The following RAB38 variants were observed in gnomAD, a reference collection of about 807,000 sequenced individuals.
RAB38 encodes the protein ras-related protein Rab-38.
In RAB38, 15 loss-of-function variants were observed where a neutral mutation model predicts 18.4. The observed-to-expected ratio is 0.82, with a 90% CI of 0.55 to 1.26. The LOEUF (loss-of-function observed/expected upper bound fraction) is 1.26. Among genes scored for constraint, RAB38 ranks in the 50% most tolerant of loss-of-function variants. The pLI, the probability that RAB38 is intolerant of heterozygous loss-of-function variation, is 0.00. For synonymous variants in RAB38, 101 were observed against 104.4 expected (o/e 0.97, Z 0.20); for missense variants, 294 against 267.4 (o/e 1.10, Z -0.69).
At chr11:88,102,884 T>C in the RAB38 span, among the ~76,000 whole-genome samples, 1 of 152,040 alleles carries the variant, frequency 6.6e-6, no homozygotes, top group Non-Finnish European at 1.5e-5. Context: ...CTAATAAATA[T>C]TACATTGTTA....
At chr11:88,076,818 G>C in the RAB38 span, among the ~76,000 whole-genome samples, 1 of 150,316 alleles carries the variant, frequency 6.7e-6, no homozygotes, top group Admixed American at 6.6e-5. Context: ...ATTTAGCCGG[G>C]AGTGGTTGTG....
chr11:88,150,986 T>C (rs35532229), intron 1 of RAB38, among the ~76,000 whole-genome samples: 15 of 152,284 alleles, frequency 9.9e-5, no homozygotes, highest in South Asian at 2.1e-4. Flanking sequence ...CTACAACCTA[T>C]TGGATAAGAA....
chr11:88,055,734 A>G, the RAB38 span, among the ~76,000 whole-genome samples: 1 of 152,232 alleles, frequency 6.6e-6, no homozygotes. Context: ...AGTAAAAACC[A>G]TGCAGCTACC....
At chr11:88,044,244 C>T in the RAB38 span, among the ~76,000 whole-genome samples, 4 of 152,194 alleles carry the variant, frequency 2.6e-5, no homozygotes, top group African/African-American at 2.4e-5. Flanking sequence ...TGCCTTGGTC[C>T]TTCACCCTTA....
chr11:88,044,766 G>A, the RAB38 span, among the ~76,000 whole-genome samples: 1 of 151,916 alleles, frequency 6.6e-6, no homozygotes, highest in Non-Finnish European at 1.5e-5. Context: ...CCCAAGTGTG[G>A]CTGAGTCTTT....
chr11:88,088,422 T>C, the RAB38 span, among the ~76,000 whole-genome samples: 2 of 151,852 alleles, frequency 1.3e-5, no homozygotes, highest in African/African-American at 2.4e-5. Context: ...GCAGTAGGGG[T>C]ACTTAACAAT....
the RAB38 span, among the ~76,000 whole-genome samples, chr11:87,934,932 T>C: frequency 6.6e-6 from 1 of 151,874 alleles, no homozygotes; most frequent in South Asian, 2.1e-4. Context: ...TTTGGAGATA[T>C]TGGAATGTAG....
At chr11:87,948,023 A>C in the RAB38 span, among the ~76,000 whole-genome samples, 1 of 152,206 alleles carries the variant, frequency 6.6e-6, no homozygotes, top group Admixed American at 6.5e-5. Flanking sequence ...CTTTGTACCC[A>C]TGAGCATGGA....
the RAB38 span, among the ~76,000 whole-genome samples, chr11:87,950,019 G>C: frequency 6.6e-6 from 1 of 152,172 alleles, no homozygotes; most frequent in East Asian, 1.9e-4. Context: ...TAATGTGTGG[G>C]AGTCTAAGTT....
chr11:87,914,066 A>T, the RAB38 span, among the ~76,000 whole-genome samples: 1 of 152,094 alleles, frequency 6.6e-6, no homozygotes, highest in African/African-American at 2.4e-5. Context: ...AAAGTGTGGA[A>T]GTGGATTTCA....
chr11:88,018,253 A>G, the RAB38 span, among the ~76,000 whole-genome samples: 1 of 152,048 alleles, frequency 6.6e-6, no homozygotes, highest in Non-Finnish European at 1.5e-5. Flanking sequence ...TTACTGCTAG[A>G]CCTGTTATTA....
chr11:87,811,091 C>A, the RAB38 span, among the ~76,000 whole-genome samples: 2 of 152,220 alleles, frequency 1.3e-5, no homozygotes, highest in Non-Finnish European at 2.9e-5. Flanking sequence ...TCCCAAGATT[C>A]TCCCTTAGGC....
At chr11:88,144,787 G>A (rs1379411512) in intron 2 of RAB38, among the ~76,000 whole-genome samples, 2 of 151,900 alleles carry the variant, frequency 1.3e-5, no homozygotes, top group African/African-American at 4.8e-5. Flanking sequence ...ACTGGGATAG[G>A]GGAGCAAGAG....
chr11:87,849,419 T>A, the RAB38 span, among the ~76,000 whole-genome samples: 1 of 152,168 alleles, frequency 6.6e-6, no homozygotes. Context: ...CGCTGACTGC[T>A]CCATTCACAA....
chr11:87,976,499 T>A, the RAB38 span, among the ~76,000 whole-genome samples: 1 of 87,330 alleles, frequency 1.1e-5, no homozygotes, highest in Non-Finnish European at 2.0e-5. Context: ...TATATTTATA[T>A]ATTTGTAATA....
the RAB38 span, among the ~76,000 whole-genome samples, chr11:88,071,187 T>C: frequency 6.6e-6 from 1 of 152,000 alleles, no homozygotes; most frequent in African/African-American, 2.4e-5. Context: ...ATACCTTACC[T>C]GCTTTCCAGG....
intron 2 of RAB38, among the ~76,000 whole-genome samples, chr11:88,120,479 A>G (rs1419222692): frequency 6.6e-6 from 1 of 152,224 alleles, no homozygotes; most frequent in Non-Finnish European, 1.5e-5. Context: ...GACGCAGAGA[A>G]GCCAGGTCTC....
chr11:88,049,528 C>T, the RAB38 span, among the ~76,000 whole-genome samples: 15 of 151,992 alleles, frequency 9.9e-5, no homozygotes, highest in African/African-American at 2.9e-4. Flanking sequence ...TGTCTCCCTT[C>T]GCTGACTCTC....
chr11:87,917,384 C>T, the RAB38 span, among the ~76,000 whole-genome samples: 1 of 151,978 alleles, frequency 6.6e-6, no homozygotes, highest in East Asian at 1.9e-4. Context: ...TCAAGAATGA[C>T]TAATTCTTGC....
Sources: gnomAD v4.1 joint callset for allele counts (sites outside exome capture counted in the v4.1 genomes callset) on GRCh38, gnomAD v4.1.1 for gene constraint, MANE v1.5 for transcripts, NCBI Gene and HGNC (gene_info 2026-07-23, HGNC 2026-07-21) for gene names.